Variants in KCTD8 observed in about 807,000 individuals in gnomAD.
KCTD8 encodes BTB/POZ domain-containing protein KCTD8.
A neutral mutation model predicts 31.5 loss-of-function variants in KCTD8; 27 were observed. The ratio of observed to expected loss-of-function variants is 0.86; its 90% CI spans 0.63 to 1.18. The LOEUF (loss-of-function observed/expected upper bound fraction) is 1.18, where lower values mean the gene tolerates loss of function less well. KCTD8 is among the 50% of genes most tolerant of loss of function. The pLI is 0.00. For missense variants in KCTD8, 658 were observed against 647.7 expected (o/e 1.02, Z -0.17); for synonymous variants, 290 against 280.0 (o/e 1.04, Z -0.36).
At chr4:44,268,314 G>T (rs1414969400) in intron 1 of KCTD8, among the ~76,000 whole-genome samples, 2 of 151,998 alleles carry the variant, frequency 1.3e-5, no homozygotes, top group African/African-American at 4.8e-5. Context: ...CTCAATAGAT[G>T]CAGAAAAGGC....
In KCTD8 at chr4:44,174,064, A is replaced by G. The variant is rs1276241716; in HGVS notation, c.*726T>C. 1 of 152,186 alleles carries G rather than the reference A, an allele frequency of 6.6e-6. No individual in the cohort carries two copies. The allele number at this position is 152,186 out of a possible 1,614,324, so 9.4% of individuals were successfully genotyped here. A position where few individuals can be genotyped will look rare whatever the true frequency, so the allele number is the denominator to read the frequency against. On this transcript the variant is annotated 3_prime_UTR_variant, in exon 2 of 2. Transcript: ENST00000360029. ...CACAGTAATAATCATGACTAGCATT[A>G]GTAAATGAATGTTGATGCCATAAAT...
chr4:44,209,382 T>TTA (rs1714411971), intron 1 of KCTD8, among the ~76,000 whole-genome samples: 1 of 152,140 alleles, frequency 6.6e-6, no homozygotes, highest in South Asian at 2.1e-4. Context: ...ACATTTTACT[T>TTA]TATAGAGTTT....
Position 44,279,718 on chromosome 4 carries a change from C to G in KCTD8, c.962-104468G>C, listed in dbSNP as rs113192801. 3.3e-5 allele frequency among the ~76,000 whole-genome samples: 5 copies of G among 151,994 alleles called. No individual in the cohort carries two copies. In the East Asian group the frequency reaches 5.8e-4, roughly 18 times the overall value. On this transcript the variant is annotated intron_variant, in intron 1 of 1. Coordinates refer to ENST00000360029, the MANE Select transcript of KCTD8 (RefSeq NM_198353.3). The stretch of plus-strand genomic sequence containing the variant: ...AGGATCAAGTAAGTAAACACATATG[C>G]AGGGTGCAGGGTCTTTATGGTGCCA...
intron 1 of KCTD8, among the ~76,000 whole-genome samples, chr4:44,288,017 T>C (rs1717153344): frequency 6.6e-6 from 1 of 152,178 alleles, no homozygotes; most frequent in African/African-American, 2.4e-5. Context: ...AAGGAAGAGT[T>C]GCCTTCTTGC....
At chr4:44,282,947 C>G (rs1180057854) in intron 1 of KCTD8, among the ~76,000 whole-genome samples, 1 of 151,792 alleles carries the variant, frequency 6.6e-6, no homozygotes, top group East Asian at 1.9e-4. Flanking sequence ...GCAGCAAATG[C>G]TAACGTAGAA....
intron 1 of KCTD8, among the ~76,000 whole-genome samples, chr4:44,235,740 A>G (rs932920130): frequency 6.6e-6 from 1 of 151,546 alleles, no homozygotes; most frequent in Non-Finnish European, 1.5e-5. Flanking sequence ...ATAATATCAT[A>G]TATCTCTCAA....
At chr4:44,414,242 A>C (rs1252434711) in intron 1 of KCTD8, among the ~76,000 whole-genome samples, 1 of 152,200 alleles carries the variant, frequency 6.6e-6, no homozygotes, top group African/African-American at 2.4e-5. Context: ...ATTTTTATTA[A>C]GCATCAACCA....
At chr4:44,429,403 T>C (rs774149634) in intron 1 of KCTD8, among the ~76,000 whole-genome samples, 30 of 151,644 alleles carry the variant, frequency 2.0e-4, no homozygotes, top group Non-Finnish European at 4.1e-4. Flanking sequence ...TGATAAGATG[T>C]GGAAATAAGC....
chr4:44,338,464 A>G (rs1183549364), intron 1 of KCTD8, among the ~76,000 whole-genome samples: 3 of 152,192 alleles, frequency 2.0e-5, no homozygotes, highest in African/African-American at 4.8e-5. Context: ...ACCTAGATGC[A>G]TGACAATATG....
At chr4:44,277,197 A>G (rs1716775239) in intron 1 of KCTD8, among the ~76,000 whole-genome samples, 1 of 151,868 alleles carries the variant, frequency 6.6e-6, no homozygotes, top group Non-Finnish European at 1.5e-5. Flanking sequence ...TAATAAGCCT[A>G]TGAAATATTA....
intron 1 of KCTD8, among the ~76,000 whole-genome samples, chr4:44,282,137 T>G (rs955324390): frequency 6.6e-6 from 1 of 151,330 alleles, no homozygotes; most frequent in African/African-American, 2.4e-5. Flanking sequence ...AGATGTTGTG[T>G]TTTTTTTTAA....
intron 1 of KCTD8, among the ~76,000 whole-genome samples, chr4:44,313,773 A>G (rs1224468764): frequency 6.6e-6 from 1 of 152,252 alleles, no homozygotes; most frequent in Non-Finnish European, 1.5e-5. Context: ...ACAGAGAGAC[A>G]GAATAGGCAC....
intron 1 of KCTD8, among the ~76,000 whole-genome samples, chr4:44,218,380 C>T (rs973892046): frequency 2.6e-5 from 4 of 151,150 alleles, no homozygotes; most frequent in Non-Finnish European, 1.5e-5. Context: ...GTGATCTGTC[C>T]GCTTTGGCCT....
chr4:44,203,992 A>T (rs1405161196), intron 1 of KCTD8, among the ~76,000 whole-genome samples: 2 of 152,018 alleles, frequency 1.3e-5, no homozygotes, highest in Non-Finnish European at 2.9e-5. Context: ...ATCTGGGGAG[A>T]TGATAAAATC....
At chr4:44,201,676 A>G (rs1220188413) in intron 1 of KCTD8, among the ~76,000 whole-genome samples, 1 of 152,136 alleles carries the variant, frequency 6.6e-6, no homozygotes, top group Non-Finnish European at 1.5e-5. Flanking sequence ...TTTTAATGTA[A>G]GACCCCAGAC....
chr4:44,342,414 A>C (rs1376263356), intron 1 of KCTD8, among the ~76,000 whole-genome samples: 1 of 151,512 alleles, frequency 6.6e-6, no homozygotes, highest in African/African-American at 2.4e-5. Flanking sequence ...TCTGAGCAGT[A>C]GGTCTCGACA....
intron 1 of KCTD8, among the ~76,000 whole-genome samples, chr4:44,337,301 T>C (rs1718774215): frequency 6.6e-6 from 1 of 152,142 alleles, no homozygotes; most frequent in Admixed American, 6.6e-5. Flanking sequence ...TTGATCAAAA[T>C]TATTTCAATT....
chr4:44,411,111 T>G (rs1360347110), intron 1 of KCTD8, among the ~76,000 whole-genome samples: 1 of 152,152 alleles, frequency 6.6e-6, no homozygotes, highest in Non-Finnish European at 1.5e-5. Context: ...AATTATTTGA[T>G]GACACTCCAT....
chr4:44,244,606 C>T (rs776609607), intron 1 of KCTD8, among the ~76,000 whole-genome samples: 1 of 152,180 alleles, frequency 6.6e-6, no homozygotes, highest in Non-Finnish European at 1.5e-5. Flanking sequence ...ATATCCTCCT[C>T]TCCCAATGAT....
Sources: allele counts gnomAD v4.1 joint callset (sites outside exome capture counted in the v4.1 genomes callset), GRCh38; gene constraint gnomAD v4.1.1; transcripts MANE v1.5; gene names NCBI Gene and HGNC (gene_info 2026-07-23, HGNC 2026-07-21).